The following CHN2 variants were observed in gnomAD, a reference collection of about 807,000 sequenced individuals.
The protein encoded by CHN2 is beta-chimaerin.
Under a neutral mutation model 56.3 loss-of-function variants are expected in CHN2, and 35 were observed. The observed-to-expected ratio is 0.62, with a 90% confidence interval of 0.47 to 0.82. The LOEUF is 0.82. Among genes scored for constraint, CHN2 ranks in the 40% least tolerant of loss-of-function variants. The pLI is 0.00. For missense variants in CHN2, 491 were observed against 580.5 expected (o/e 0.85, Z 1.58); for synonymous variants, 210 against 212.8 (o/e 0.99, Z 0.12).
chr7:29,501,905 G>A (rs762639013), intron 9 of CHN2, among the ~76,000 whole-genome samples: 9 of 152,158 alleles, frequency 5.9e-5, no homozygotes, highest in Non-Finnish European at 1.0e-4. Context: ...GTCTCTTACT[G>A]GCTGTAGTAT....
At chr7:29,209,443 T>C (rs946786587) in intron 1 of CHN2, among the ~76,000 whole-genome samples, 1 of 152,232 alleles carries the variant, frequency 6.6e-6, no homozygotes, top group African/African-American at 2.4e-5. Flanking sequence ...ACCTACTACA[T>C]TAAGATGACT....
chr7:29,348,951 A>G (rs943997084), intron 1 of CHN2, among the ~76,000 whole-genome samples: 2 of 152,162 alleles, frequency 1.3e-5, no homozygotes, highest in Admixed American at 6.5e-5. Flanking sequence ...TACATATATG[A>G]ATATTTACCT....
At position 29,400,631 on chromosome 7, in the gene CHN2, G is replaced by T; in HGVS notation, c.379G>T (p.Val127Leu). ...GAGGTTTGAGTCGATTCATGATCTG[G>T]TGACAGATGGCTTGATAACACTGTA... ...EKRFESIHDL[V>L]TDGLITLYIE... The change falls in exon 6 of 13, where the codon GTG becomes TTG. Residue 127 changes from valine to leucine, a missense_variant. Transcript: ENST00000222792. The T allele has an allele frequency of 3.1e-6, 5 of 1,614,140 alleles. No individual in the cohort carries two copies. Among genetic ancestry groups the T allele is most frequent in the Non-Finnish European group, 4.2e-6 (5 of 1,180,000 alleles).
At chr7:29,483,835 A>G (rs1787638075) in intron 7 of CHN2, 4 of 1,276,812 alleles carry the variant, frequency 3.1e-6, no homozygotes, top group Non-Finnish European at 4.1e-6. Flanking sequence ...AGGTAGCTTT[A>G]GCCCGCATAG....
At chr7:29,281,858 G>A (rs139290661) in intron 1 of CHN2, among the ~76,000 whole-genome samples, 3 of 152,304 alleles carry the variant, frequency 2.0e-5, no homozygotes, top group South Asian at 4.1e-4. Flanking sequence ...ACAGATGGCC[G>A]TGGGGCTCCT....
rs954272068 is a variant in CHN2 at position 29,446,131 on chromosome 7, G to A, written c.577-34148G>A. On this transcript the variant is annotated intron_variant, in intron 6 of 12. Coordinates refer to ENST00000222792, the MANE Select transcript of CHN2 (RefSeq NM_004067.4). The stretch of plus-strand genomic sequence containing the variant: ...CAATAGTAGTTTTTACAGCTGTCCA[G>A]GTGATTTCAGTGTACACCCAAGTGT... Among the ~76,000 whole-genome samples the A allele has an allele frequency of 5.3e-5, 8 of 152,252 alleles. No homozygotes were observed. In the South Asian group the frequency reaches 1.0e-3, roughly 20 times the overall value.
rs188429248 is a variant in CHN2, at chr7:29,165,131, A to G, written c.274+18171A>G. Among the ~76,000 whole-genome samples the G allele has an allele frequency of 2.6e-4, 40 of 152,338 alleles. No homozygotes were observed. The East Asian group carries it at 6.8e-3, about 26-fold the overall frequency. ...TTTATTGGCATTGCATTTAATCTAAAGATCAATGTGGGGAGAATAGATATC... is the reference window on the plus strand; with the variant it reads ...TTTATTGGCATTGCATTTAATCTAAGGATCAATGTGGGGAGAATAGATATC... On this transcript the variant is annotated intron_variant, in intron 2 of 6. Coordinates refer to the CHN2 transcript ENST00000439384.
chr7:29,263,818 C>T (rs1789812153), intron 1 of CHN2, among the ~76,000 whole-genome samples: 1 of 150,492 alleles, frequency 6.6e-6, no homozygotes, highest in Non-Finnish European at 1.5e-5. Context: ...AGGTGAGGGG[C>T]GTCTCTGACC....
chr7:29,502,425 TG>T (rs1790066694), intron 9 of CHN2, among the ~76,000 whole-genome samples: 1 of 152,160 alleles, frequency 6.6e-6, no homozygotes, highest in Non-Finnish European at 1.5e-5. Context: ...CCACAGAAGC[TG>T]TAAATGTCAC....
intron 1 of CHN2, among the ~76,000 whole-genome samples, chr7:29,333,578 G>A (rs1391028481): frequency 6.6e-6 from 1 of 152,212 alleles, no homozygotes; most frequent in African/African-American, 2.4e-5. Flanking sequence ...CTGGAAGCAG[G>A]TTGGATGAAC....
chr7:29,224,400 G>A (rs958797168), intron 1 of CHN2, among the ~76,000 whole-genome samples: 1 of 152,186 alleles, frequency 6.6e-6, no homozygotes, highest in Non-Finnish European at 1.5e-5. Context: ...TTAAGTTATA[G>A]TGAGAAGGAA....
At chr7:29,459,207 T>A (rs1404887181) in intron 6 of CHN2, among the ~76,000 whole-genome samples, 1 of 152,224 alleles carries the variant, frequency 6.6e-6, no homozygotes, top group Non-Finnish European at 1.5e-5. Flanking sequence ...ACGGTTTAAC[T>A]TTTTAAAGTT....
intron 1 of CHN2, among the ~76,000 whole-genome samples, chr7:29,232,158 C>G (rs560313152): frequency 1.4e-4 from 22 of 152,086 alleles, no homozygotes; most frequent in Non-Finnish European, 2.5e-4. Flanking sequence ...ACTTGTAAAC[C>G]TAGGACGTTT....
At chr7:29,240,822 G>GTCT in intron 1 of CHN2, among the ~76,000 whole-genome samples, 1 of 151,146 alleles carries the variant, frequency 6.6e-6, no homozygotes. Context: ...CTTCTTCGTC[G>GTCT]TCGTCGTCGT....
intron 3 of CHN2, among the ~76,000 whole-genome samples, chr7:29,368,412 A>C (rs761646588): frequency 3.9e-5 from 6 of 152,148 alleles, no homozygotes; most frequent in Non-Finnish European, 7.4e-5. Context: ...TTTATATGAC[A>C]TTTTAAAATA....
intron 1 of CHN2, among the ~76,000 whole-genome samples, chr7:29,320,205 C>G (rs1306468659): frequency 6.6e-6 from 1 of 152,182 alleles, no homozygotes; most frequent in Non-Finnish European, 1.5e-5. Context: ...TGTCGTCTGC[C>G]AGACCAGAGC....
intron 3 of CHN2, among the ~76,000 whole-genome samples, chr7:29,390,850 G>A (rs1174245226): frequency 6.6e-6 from 1 of 151,884 alleles, no homozygotes; most frequent in African/African-American, 2.4e-5. Context: ...GGGAGCCCTA[G>A]CCCCCAGCCA....
intron 1 of CHN2, among the ~76,000 whole-genome samples, chr7:29,283,376 C>T (rs999445717): frequency 2.0e-5 from 3 of 152,128 alleles, no homozygotes; most frequent in African/African-American, 7.2e-5. Flanking sequence ...TGGTCTGCCC[C>T]CAAGTTTCCC....
intron 1 of CHN2, among the ~76,000 whole-genome samples, chr7:29,290,948 T>C (rs1451628404): frequency 6.6e-6 from 1 of 152,178 alleles, no homozygotes; most frequent in East Asian, 1.9e-4. Context: ...AGCGTGTGGT[T>C]AGACCTTTGA....
Sources: allele counts gnomAD v4.1 joint callset (sites outside exome capture counted in the v4.1 genomes callset), GRCh38; gene constraint gnomAD v4.1.1; transcripts MANE v1.5; gene names NCBI Gene and HGNC (gene_info 2026-07-23, HGNC 2026-07-21).